The following ZNF618 variants were observed in gnomAD, a reference collection of about 807,000 sequenced individuals.
ZNF618 encodes zinc finger protein 618.
Under a neutral mutation model 103.0 loss-of-function variants are expected in ZNF618, and 34 were observed. The observed-to-expected ratio is 0.33, with a 90% CI of 0.25 to 0.44. ZNF618 has a LOEUF of 0.44. ZNF618 is among the 20% of genes least tolerant of loss of function. The pLI, the probability that ZNF618 is intolerant of heterozygous loss-of-function variation, is 1.00. For synonymous variants in ZNF618, 551 were observed against 542.2 expected, an observed-to-expected ratio of 1.02 and a Z score of -0.23; for missense variants, 1,059 against 1,295.4, an observed-to-expected ratio of 0.82 and a Z score of 2.80.
chr9:114,007,121 T>C (rs987917855), intron 6 of ZNF618, among the ~76,000 whole-genome samples: 4 of 152,218 alleles, frequency 2.6e-5, no homozygotes, highest in Non-Finnish European at 4.4e-5. Flanking sequence ...CAAGGAGCCC[T>C]GGGTGCTGTC....
At chr9:113,967,486 G>A (rs1407159172) in intron 1 of ZNF618, among the ~76,000 whole-genome samples, 1 of 152,094 alleles carries the variant, frequency 6.6e-6, no homozygotes, top group East Asian at 1.9e-4. Context: ...TGGGAAACAG[G>A]AGCTGTTTGA....
intron 10 of ZNF618, among the ~76,000 whole-genome samples, chr9:114,021,387 T>C (rs1405839534): frequency 6.6e-6 from 1 of 152,102 alleles, no homozygotes; most frequent in Admixed American, 6.5e-5. Context: ...AAGAACATGT[T>C]TTCCTCTCAC....
chr9:113,905,811 T>G (rs1830939043), intron 1 of ZNF618, among the ~76,000 whole-genome samples: 1 of 152,130 alleles, frequency 6.6e-6, no homozygotes, highest in African/African-American at 2.4e-5. Context: ...TCCTTGCTCT[T>G]CCCAAAGTCT....
intron 13 of ZNF618, among the ~76,000 whole-genome samples, chr9:114,042,808 G>A (rs996269949): frequency 1.6e-4 from 25 of 152,296 alleles, no homozygotes; most frequent in African/African-American, 5.1e-4. Flanking sequence ...CAGCCTGGGC[G>A]ACAGAGCAAG....
At chr9:113,998,547 C>G (rs1840856830) in intron 4 of ZNF618, among the ~76,000 whole-genome samples, 193 bp downstream of exon 4, 4 of 152,206 alleles carry the variant, frequency 2.6e-5, no homozygotes, top group Non-Finnish European at 5.9e-5. Flanking sequence ...AAGTACTGGA[C>G]TACTGGAGGG....
At chr9:113,978,781 C>T (rs1483404485) in intron 2 of ZNF618, among the ~76,000 whole-genome samples, 1 of 152,194 alleles carries the variant, frequency 6.6e-6, no homozygotes, top group Non-Finnish European at 1.5e-5. Context: ...AAAAGTCACT[C>T]TGTTTCTCCA....
intron 1 of ZNF618, among the ~76,000 whole-genome samples, chr9:113,925,321 A>G (rs1342916071): frequency 6.6e-6 from 1 of 151,808 alleles, no homozygotes; most frequent in East Asian, 1.9e-4. Context: ...TAGCTACTCT[A>G]GGTTTTTTTA....
Position 113,988,689 on chromosome 9 carries a change from C to A in ZNF618, c.337+109C>A. On this transcript the variant is annotated intron_variant, in intron 3 of 14. Coordinates refer to ENST00000374126, the MANE Select transcript of ZNF618 (RefSeq NM_001318042.2). Reference sequence around the variant, plus strand: ...TCTGCCCCCTTCCTGGCTGAGAGAACCTTTGCTGGCTTCCCTCTGCATTCA... The same window carrying A: ...TCTGCCCCCTTCCTGGCTGAGAGAAACTTTGCTGGCTTCCCTCTGCATTCA... The A allele has an allele frequency of 4.2e-6, 6 of 1,416,896 alleles. No individual in the cohort carries two copies. The Admixed American group carries it at 1.2e-4, about 29-fold the overall frequency. 87.8% of individuals were successfully genotyped at this position (1,416,896 alleles called of 1,614,324 possible). A position where few individuals can be genotyped will look rare whatever the true frequency, so the allele number is the denominator to read the frequency against.
chr9:113,921,329 A>G (rs1209397246), intron 1 of ZNF618, among the ~76,000 whole-genome samples: 1 of 152,250 alleles, frequency 6.6e-6, no homozygotes, highest in African/African-American at 2.4e-5. Context: ...CACACAGGCA[A>G]GCCTGTCCCA....
chr9:113,960,238 T>C (rs1836720349), intron 1 of ZNF618, among the ~76,000 whole-genome samples: 1 of 152,202 alleles, frequency 6.6e-6, no homozygotes, highest in Admixed American at 6.5e-5. Flanking sequence ...CCATCATCTC[T>C]TCCCTGGAAG....
chr9:114,035,115 T>C (rs1844468975), intron 12 of ZNF618: 1 of 961,204 alleles, frequency 1.0e-6, no homozygotes, highest in Admixed American at 6.2e-5. Context: ...TCACTGGTTA[T>C]TAAGAATAAA....
At chr9:113,977,705 A>G (rs898887107) in intron 2 of ZNF618, among the ~76,000 whole-genome samples, 2 of 152,210 alleles carry the variant, frequency 1.3e-5, no homozygotes, top group Non-Finnish European at 2.9e-5. Context: ...TCTGTTTAAA[A>G]TGCCATTAAC....
chr9:114,005,086 T>C (rs1362197730), intron 6 of ZNF618, among the ~76,000 whole-genome samples: 1 of 152,244 alleles, frequency 6.6e-6, no homozygotes, highest in Admixed American at 6.5e-5. Context: ...ATTATAACTA[T>C]AGGAAATGAA....
intron 12 of ZNF618, among the ~76,000 whole-genome samples, chr9:114,034,598 C>T (rs1039535386): frequency 5.3e-5 from 8 of 152,196 alleles, no homozygotes; most frequent in African/African-American, 1.9e-4. Flanking sequence ...AACTGAGGCT[C>T]AGGAGAGGTG....
intron 6 of ZNF618, among the ~76,000 whole-genome samples, chr9:114,003,220 G>A (rs1224476541): frequency 1.3e-5 from 2 of 152,210 alleles, no homozygotes; most frequent in Non-Finnish European, 2.9e-5. Flanking sequence ...TGACATCTGC[G>A]ACAGCACTGC....
At chr9:113,946,550 T>A (rs887877060) in intron 1 of ZNF618, among the ~76,000 whole-genome samples, 1 of 152,110 alleles carries the variant, frequency 6.6e-6, no homozygotes, top group Non-Finnish European at 1.5e-5. Flanking sequence ...ATGCCCCTGA[T>A]GGCAGACACC....
intron 13 of ZNF618, among the ~76,000 whole-genome samples, chr9:114,047,113 A>G (rs1416554254): frequency 6.6e-6 from 1 of 152,250 alleles, no homozygotes; most frequent in Non-Finnish European, 1.5e-5. Context: ...CTATTTAGAA[A>G]TGATCCCATA....
At chr9:114,004,453 A>G (rs1588306560) in intron 6 of ZNF618, among the ~76,000 whole-genome samples, 1 of 152,258 alleles carries the variant, frequency 6.6e-6, no homozygotes, top group South Asian at 2.1e-4. Flanking sequence ...TTCCCTATTT[A>G]TCTTTCCTTC....
intron 1 of ZNF618, among the ~76,000 whole-genome samples, chr9:113,893,205 AGATTGGAGCCT>A (rs1829762199): frequency 6.6e-6 from 1 of 152,220 alleles, no homozygotes; most frequent in African/African-American, 2.4e-5. Context: ...AGCAGAGCAG[AGATTGGAGCCT>A]GAGTCTGTCC....
Sources: allele counts gnomAD v4.1 joint callset (sites outside exome capture counted in the v4.1 genomes callset), GRCh38; gene constraint gnomAD v4.1.1; transcripts MANE v1.5; gene names NCBI Gene and HGNC (gene_info 2026-07-23, HGNC 2026-07-21).